NPAS3: variants seen among roughly 807,000 people sequenced by gnomAD.
The protein encoded by NPAS3 is neuronal PAS domain-containing protein 3.
In NPAS3, 14 loss-of-function variants were observed where a neutral mutation model predicts 73.1. The ratio of observed to expected loss-of-function variants is 0.19; its 90% CI spans 0.13 to 0.30. NPAS3 has a LOEUF of 0.30. Ranked by LOEUF, NPAS3 falls within the 10% of genes least tolerant of loss-of-function variation. NPAS3 has a pLI of 1.00. For missense variants in NPAS3, 1,096 were observed against 1,250.0 expected (o/e 0.88, Z 1.86); for synonymous variants, 620 against 541.5 (o/e 1.14, Z -2.01).
At chr14:33,486,552 A>T (rs77020213) in intron 4 of NPAS3, among the ~76,000 whole-genome samples, 1,884 of 152,300 alleles carry the variant, frequency 0.012, 50 homozygotes, top group African/African-American at 0.042. Context: ...TGTTAGCTAT[A>T]ACCCCTGTTA....
At chr14:33,249,024 G>A (rs2048484913) in intron 3 of NPAS3, among the ~76,000 whole-genome samples, 1 of 152,130 alleles carries the variant, frequency 6.6e-6, no homozygotes, top group South Asian at 2.1e-4. Flanking sequence ...CATATACCAT[G>A]GAAGTAAATT....
intron 2 of NPAS3, among the ~76,000 whole-genome samples, chr14:33,125,681 T>A (rs2043402166): frequency 6.6e-6 from 1 of 152,058 alleles, no homozygotes; most frequent in African/African-American, 2.4e-5. Flanking sequence ...GTTTCATATA[T>A]GAAAGGCCCT....
chr14:33,201,836 C>A (rs1322924026), intron 2 of NPAS3, among the ~76,000 whole-genome samples: 1 of 152,116 alleles, frequency 6.6e-6, no homozygotes, highest in Non-Finnish European at 1.5e-5. Flanking sequence ...ACATCAGCTT[C>A]CAAATCATGT....
At chr14:33,196,147 A>G (rs999384861) in intron 2 of NPAS3, among the ~76,000 whole-genome samples, 2 of 143,712 alleles carry the variant, frequency 1.4e-5, no homozygotes, top group Admixed American at 7.4e-5. Context: ...ATTCTAATGA[A>G]TAACTGTGAG....
intron 1 of NPAS3, among the ~76,000 whole-genome samples, chr14:32,962,849 T>C (rs574904069): frequency 1.1e-4 from 16 of 150,632 alleles, no homozygotes; most frequent in African/African-American, 3.4e-4. Context: ...AGGTGTGAGC[T>C]ACCACACCTG....
chr14:33,059,290 T>C (rs747350906), intron 2 of NPAS3, among the ~76,000 whole-genome samples: 4 of 152,232 alleles, frequency 2.6e-5, no homozygotes, highest in Non-Finnish European at 5.9e-5. Flanking sequence ...TTTAAATGAT[T>C]AGACAATTGT....
At chr14:33,428,021 A>G (rs1594889599) in intron 4 of NPAS3, among the ~76,000 whole-genome samples, 1 of 152,132 alleles carries the variant, frequency 6.6e-6, no homozygotes, top group East Asian at 1.9e-4. Context: ...TTTGTGTCAC[A>G]GACAAATTTC....
intron 2 of NPAS3, among the ~76,000 whole-genome samples, chr14:33,211,127 T>C (rs2047018643): frequency 6.6e-6 from 1 of 152,184 alleles, no homozygotes; most frequent in African/African-American, 2.4e-5. Flanking sequence ...TTAACTTAAT[T>C]CTAACGACAA....
At chr14:33,062,874 T>A (rs192595706) in intron 2 of NPAS3, among the ~76,000 whole-genome samples, 1 of 152,374 alleles carries the variant, frequency 6.6e-6, no homozygotes, top group African/African-American at 2.4e-5. Flanking sequence ...AACAGCTTCT[T>A]CTGTGTATTG....
At chr14:33,198,728 G>C (rs562863502) in intron 2 of NPAS3, among the ~76,000 whole-genome samples, 2 of 152,220 alleles carry the variant, frequency 1.3e-5, no homozygotes, top group Non-Finnish European at 2.9e-5. Context: ...CCAGCCCTGC[G>C]CCATTCGCCT....
intron 3 of NPAS3, among the ~76,000 whole-genome samples, chr14:33,308,848 T>A (rs1044797351): frequency 6.6e-6 from 1 of 152,142 alleles, no homozygotes; most frequent in South Asian, 2.1e-4. Flanking sequence ...ATTGTATTAA[T>A]AGTGCTTAAG....
chr14:33,120,014 T>C (rs1007205811), intron 2 of NPAS3, among the ~76,000 whole-genome samples: 11 of 65,112 alleles, frequency 1.7e-4, no homozygotes, highest in African/African-American at 6.1e-4. Flanking sequence ...GATACTTTGT[T>C]TTTTTTTTGA....
At chr14:33,235,199 G>T (rs2047988967) in intron 3 of NPAS3, among the ~76,000 whole-genome samples, 1 of 152,040 alleles carries the variant, frequency 6.6e-6, no homozygotes, top group South Asian at 2.1e-4. Context: ...ATGCCTTTAA[G>T]CTTTATTAAT....
intron 7 of NPAS3, among the ~76,000 whole-genome samples, chr14:33,747,123 A>G (rs1404166515): frequency 6.6e-6 from 1 of 152,032 alleles, no homozygotes; most frequent in Non-Finnish European, 1.5e-5. Flanking sequence ...ATGCTGCTAT[A>G]AAGACACATG....
intron 5 of NPAS3, among the ~76,000 whole-genome samples, chr14:33,625,107 G>T (rs1263537601): frequency 6.6e-6 from 1 of 152,166 alleles, no homozygotes; most frequent in South Asian, 2.1e-4. Flanking sequence ...AACAGTGTTT[G>T]TGTTATAATC....
intron 2 of NPAS3, among the ~76,000 whole-genome samples, chr14:33,102,622 A>G (rs779296242): frequency 3.9e-5 from 6 of 152,178 alleles, no homozygotes; most frequent in Non-Finnish European, 8.8e-5. Flanking sequence ...AGACAACATC[A>G]TGAGACCCCT....
At chr14:33,142,047 G>A (rs1182709698) in intron 2 of NPAS3, among the ~76,000 whole-genome samples, 1 of 151,860 alleles carries the variant, frequency 6.6e-6, no homozygotes, top group Non-Finnish European at 1.5e-5. Flanking sequence ...CATTCAATGG[G>A]CTCTACCTAT....
Position 33,800,555 on chromosome 14 carries a change from C to A in NPAS3, c.2248C>A (p.Pro750Thr). ...CGTCGCCTCCGACCCGCTGTCACCC[C>A]CGCTCTCGGCGTCCCCGCGGGACAA... Residue 750 changes from proline (P) to threonine (T), a missense_variant, in exon 12 of 12, where the codon CCG (proline) becomes ACG (threonine). Physicochemically the swap from Pro to Thr is conservative, Grantham distance 38. Around this residue, in one of 5 missense-constraint regions of NPAS3, gnomAD observed 698 missense variants for 676.7 expected, o/e 1.03. Coordinates refer to ENST00000356141, the Ensembl canonical transcript of NPAS3. This position sits in a 1 kb window ranked among gnomAD's most constrained non-coding sequence, Gnocchi z 6.5. 2.3e-6 allele frequency: 3 copies of A among 1,329,994 alleles called. No individual in the cohort carries two copies. The highest frequency in any genetic ancestry group is 2.9e-6 in the Non-Finnish European group (3 of 1,048,624). 82.4% of individuals were successfully genotyped at this position (1,329,994 alleles called of 1,614,324 possible).
intron 3 of NPAS3, among the ~76,000 whole-genome samples, chr14:33,306,129 AATCCATG>A (rs1170143072): frequency 6.6e-6 from 1 of 152,200 alleles, no homozygotes; most frequent in Non-Finnish European, 1.5e-5. Flanking sequence ...AAGAATGGTG[AATCCATG>A]ATATAACGAT....
Sources: allele counts gnomAD v4.1 joint callset (sites outside exome capture counted in the v4.1 genomes callset), GRCh38; gene constraint gnomAD v4.1.1; regional missense constraint gnomAD v4.1.1; non-coding constraint Gnocchi (gnomAD v3.1); transcripts MANE v1.5; gene names NCBI Gene and HGNC (gene_info 2026-07-23, HGNC 2026-07-21).